SIRPB1: variants seen among roughly 807,000 people sequenced by gnomAD.
The protein encoded by SIRPB1 is signal regulatory protein beta 1.
A neutral mutation model predicts 34.1 loss-of-function variants in SIRPB1; 28 were observed. The ratio of observed to expected loss-of-function variants is 0.82; its 90% CI spans 0.61 to 1.12. The LOEUF is 1.12. Ranked by LOEUF, SIRPB1 falls within the 50% of genes most tolerant of loss-of-function variation. The pLI is 0.00. For missense variants in SIRPB1, 499 were observed against 507.0 expected (o/e 0.98, Z 0.15); for synonymous variants, 211 against 203.8 (o/e 1.04, Z -0.30).
At chr20:1,570,090 CAAG>C (rs2091204559) in intron 4 of SIRPB1, among the ~76,000 whole-genome samples, 1 of 152,214 alleles carries the variant, frequency 6.6e-6, no homozygotes, top group Non-Finnish European at 1.5e-5. Context: ...GGTCTAATGA[CAAG>C]AAGTCTTCAA....
chr20:1,567,243 T>G (rs553208540), intron 4 of SIRPB1, among the ~76,000 whole-genome samples: 3 of 152,180 alleles, frequency 2.0e-5, no homozygotes. Flanking sequence ...TGAGGAGAGC[T>G]GCACTGCCCA....
Position 1,564,739 on chromosome 20 carries a change from C to T in SIRPB1, c.*761G>A, listed in dbSNP as rs1017877381. The T allele has an allele frequency of 1.0e-5, 4 of 395,392 alleles. No homozygotes were observed. The highest frequency in any genetic ancestry group is 1.8e-5 in the Non-Finnish European group (4 of 224,668). The allele number at this position is 395,392 out of a possible 1,614,324, so 24.5% of individuals were successfully genotyped here. On this transcript the variant is annotated 3_prime_UTR_variant, in exon 6 of 6. Coordinates refer to ENST00000381605, the MANE Select transcript of SIRPB1 (RefSeq NM_006065.5). ...AAATTGGTCAGGTTGGGAGTTATTA[C>T]ACTAGAGAAATTGGCAAGCACTGCA...
Position 1,612,587 on chromosome 20 carries a change from T to C in SIRPB1, c.76+7282A>G, listed in dbSNP as rs569612109. ...AAGGCTCTAATGGGGCCTGCTCCAT[T>C]GCCTGGATGCGTGAATGACCGTTGC... On this transcript the variant is annotated intron_variant, in intron 1 of 5. Coordinates refer to ENST00000381605, the MANE Select transcript of SIRPB1 (RefSeq NM_006065.5). Among the ~76,000 whole-genome samples the C allele has an allele frequency of 1.1e-4, 8 of 72,310 alleles. 4 individuals carry two copies. In the East Asian group the frequency reaches 4.7e-3, roughly 42 times the overall value. 47.4% of individuals were successfully genotyped at this position (72,310 alleles called of 152,430 possible).
chr20:1,603,420 G>A lies in SIRPB1; in HGVS notation c.76+16449C>T, dbSNP rs191796378. Among the ~76,000 whole-genome samples, 12 of 49,540 alleles carry A rather than the reference G, an allele frequency of 2.4e-4. 5 individuals are homozygous for A. In the East Asian group the frequency reaches 6.8e-3, roughly 28 times the overall value. 32.5% of individuals were successfully genotyped at this position (49,540 alleles called of 152,430 possible). A position where few individuals can be genotyped will look rare whatever the true frequency, so the allele number is the denominator to read the frequency against. On this transcript the variant is annotated intron_variant, in intron 1 of 5. Coordinates refer to ENST00000381605, the MANE Select transcript of SIRPB1 (RefSeq NM_006065.5). ...ATTCACACAGCAGATGCAGGAGTCT[G>A]CAGGGGGCAGGTCACAGATATGAAT...
At chr20:1,611,617 G>A in intron 1 of SIRPB1, 1 of 1,269,004 alleles carries the variant, frequency 7.9e-7, no homozygotes, top group Non-Finnish European at 1.1e-6. Flanking sequence ...AGGGATCAGG[G>A]AAGTCACAGT....
At position 1,562,434 on chromosome 20, in the gene SIRPB1, T is replaced by TC. The variant is rs144916969; in HGVS notation, c.*3065dup. On this transcript the variant is annotated 3_prime_UTR_variant, in exon 6 of 6. Coordinates refer to ENST00000381605, the MANE Select transcript of SIRPB1 (RefSeq NM_006065.5). ...TGGCAACTGAGGATACAGATAATCC[T>TC]CCCCCACCCCCAACCCCCCACGATA... 5.7e-3 allele frequency among the ~76,000 whole-genome samples: 860 copies of TC among 151,602 alleles called. 11 individuals are homozygous for TC. The highest frequency in any genetic ancestry group is 0.019 in the African/African-American group (795 of 41,256).
Position 1,576,737 on chromosome 20 carries a change from T to C in SIRPB1, c.433+1601A>G, listed in dbSNP as rs2091316859. On this transcript the variant is annotated intron_variant, in intron 2 of 5. Coordinates refer to ENST00000381605, the MANE Select transcript of SIRPB1 (RefSeq NM_006065.5). ...GCCTGAACAACATGGAGAAACCCTG[T>C]CTCTACAAAATACAAAATTAGCCAG... 1.3e-5 allele frequency among the ~76,000 whole-genome samples: 2 copies of C among 148,304 alleles called. 1 individual carries two copies. Among genetic ancestry groups the C allele is most frequent in the Non-Finnish European group, 3.0e-5 (2 of 66,204 alleles).
rs141347807 is a variant in SIRPB1 at position 1,594,565 on chromosome 20, G to A, written c.77-15871C>T. Among the ~76,000 whole-genome samples the A allele has an allele frequency of 1.7e-4, 8 of 48,422 alleles. 3 individuals are homozygous for A. The East Asian group carries it at 4.8e-3, about 29-fold the overall frequency. The allele number at this position is 48,422 out of a possible 152,430, so 31.8% of individuals were successfully genotyped here. On this transcript the variant is annotated intron_variant, in intron 1 of 5. Coordinates refer to ENST00000381605, the MANE Select transcript of SIRPB1 (RefSeq NM_006065.5). ...ACATTAGATGCAGATGACGAGGGAA[G>A]ACTTTGGGACACATGAGGAACTGGG...
rs1135197 is a variant in SIRPB1, at chr20:1,611,632, T to C, written c.76+8237A>G. 1.4e-5 allele frequency: 18 copies of C among 1,277,898 alleles called. 6 individuals are homozygous for C. The highest frequency in any genetic ancestry group is 1.1e-4 in the African/African-American group (4 of 35,054). The allele number at this position is 1,277,898 out of a possible 1,614,324, so 79.2% of individuals were successfully genotyped here. On this transcript the variant is annotated intron_variant, in intron 1 of 5. Transcript: ENST00000381605. ...AGGGATCAGGGAAGTCACAGTGCAG[T>C]GCAGAGTGGCCGACTCTCCAGCTGC...
chr20:1,562,420 G>A lies in SIRPB1; in HGVS notation c.*3080C>T, dbSNP rs3848788. ...GGCAGACACAGTTCTGGCAACTGAG[G>A]ATACAGATAATCCTCCCCCACCCCC... On this transcript the variant is annotated 3_prime_UTR_variant, in exon 6 of 6. Transcript: ENST00000381605. Among the ~76,000 whole-genome samples the A allele has an allele frequency of 0.43, 65,671 of 151,744 alleles. 16,382 individuals are homozygous for A. Among genetic ancestry groups the A allele is most frequent in the East Asian group, 0.78 (4,032 of 5,166 alleles).
At chr20:1,568,357 C>T (rs757936758) in intron 4 of SIRPB1, among the ~76,000 whole-genome samples, 2 of 152,176 alleles carry the variant, frequency 1.3e-5, no homozygotes, top group African/African-American at 2.4e-5. Flanking sequence ...GTTTGCCTGC[C>T]AGCCTAGACA....
At chr20:1,565,934 C>G (rs1223395917) in intron 5 of SIRPB1, among the ~76,000 whole-genome samples, 4 of 152,042 alleles carry the variant, frequency 2.6e-5, no homozygotes, top group Non-Finnish European at 4.4e-5. Context: ...AAGCATCCCA[C>G]CTCCTGTAAT....
At chr20:1,576,882 A>G (rs1198171104) in intron 2 of SIRPB1, among the ~76,000 whole-genome samples, 1 of 148,724 alleles carries the variant, frequency 6.7e-6, no homozygotes, top group Non-Finnish European at 1.5e-5. Context: ...TCCAGTGGGA[A>G]TCTCCCACCT....
At chr20:1,616,655 T>C (rs547853803) in intron 1 of SIRPB1, among the ~76,000 whole-genome samples, 1 of 152,292 alleles carries the variant, frequency 6.6e-6, no homozygotes, top group South Asian at 2.1e-4. Flanking sequence ...AATTTTCAGA[T>C]ATGAGTCCCA....
At chr20:1,576,728 G>A (rs1369570314) in intron 2 of SIRPB1, among the ~76,000 whole-genome samples, 3 of 148,442 alleles carry the variant, frequency 2.0e-5, no homozygotes, top group Admixed American at 2.0e-4. Flanking sequence ...ACAACATGGA[G>A]AAACCCTGTC....
At chr20:1,613,062 C>G (rs1176756856) in intron 1 of SIRPB1, among the ~76,000 whole-genome samples, 1 of 72,964 alleles carries the variant, frequency 1.4e-5, no homozygotes, top group Non-Finnish European at 2.6e-5. Flanking sequence ...ACAACACATG[C>G]AGCATAACTA....
Position 1,562,871 on chromosome 20 carries a change from A to G in SIRPB1, c.*2629T>C, listed in dbSNP as rs1439466808. Among the ~76,000 whole-genome samples, 4 of 152,236 alleles carry G rather than the reference A, an allele frequency of 2.6e-5. No individual in the cohort carries two copies. Among genetic ancestry groups the G allele is most frequent in the African/African-American group, 9.6e-5 (4 of 41,456 alleles). The stretch of plus-strand genomic sequence containing the variant: ...TGCAACCAAGATGAAAGTGCAGTGA[A>G]GAAATGAGAAGTGAAAATGCTGCAA... On this transcript the variant is annotated 3_prime_UTR_variant, in exon 6 of 6. Transcript: ENST00000381605.
At position 1,598,335 on chromosome 20, in the gene SIRPB1, C is replaced by G; in HGVS notation, c.77-19641G>C. On this transcript the variant is annotated intron_variant, in intron 1 of 5. Coordinates refer to ENST00000381605, the MANE Select transcript of SIRPB1 (RefSeq NM_006065.5). ...GATAGGACTCTGCTGGCTCAGCCCT[C>G]CTCCTGAGTCTTGATGCCTCTCTCC... 2.4e-5 allele frequency: 9 copies of G among 373,560 alleles called. 4 individuals carry two copies. The highest frequency in any genetic ancestry group is 2.8e-5 in the Non-Finnish European group (9 of 325,740). The allele number at this position is 373,560 out of a possible 1,614,324, so 23.1% of individuals were successfully genotyped here.
chr20:1,580,303 T>C (rs930763132), intron 1 of SIRPB1, among the ~76,000 whole-genome samples: 1 of 147,534 alleles, frequency 6.8e-6, no homozygotes, highest in African/African-American at 2.5e-5. Flanking sequence ...GATGTTTCAA[T>C]GTCCTTCTCC....
Sources: gnomAD v4.1 joint callset for allele counts (sites outside exome capture counted in the v4.1 genomes callset) on GRCh38, gnomAD v4.1.1 for gene constraint, MANE v1.5 for transcripts, NCBI Gene and HGNC (gene_info 2026-07-23, HGNC 2026-07-21) for gene names.